The following VPS54 variants were observed in gnomAD, a reference collection of about 807,000 sequenced individuals.
VPS54 encodes the protein vacuolar protein sorting-associated protein 54.
VPS54 carries 45 observed loss-of-function variants against 121.5 expected under a neutral mutation model. That is an observed-to-expected ratio of 0.37 (90% CI 0.29 to 0.47). The LOEUF (loss-of-function observed/expected upper bound fraction) is 0.47, where lower values mean the gene tolerates loss of function less well. VPS54 is among the 20% of genes least tolerant of loss of function. VPS54 has a pLI of 0.99. For missense variants in VPS54, 1,090 were observed against 1,131.4 expected, an observed-to-expected ratio of 0.96 and a Z score of 0.52; for synonymous variants, 371 against 385.8, an observed-to-expected ratio of 0.96 and a Z score of 0.45.
At chr2:63,915,084 G>A (rs1673319343) in intron 16 of VPS54, among the ~76,000 whole-genome samples, 1 of 146,806 alleles carries the variant, frequency 6.8e-6, no homozygotes, top group East Asian at 2.0e-4. Flanking sequence ...CTGGGAGCCG[G>A]AGGTTGTGGT....
At chr2:63,905,605 GA>G (rs767427362) in intron 20 of VPS54, among the ~76,000 whole-genome samples, 1 of 151,418 alleles carries the variant, frequency 6.6e-6, no homozygotes, top group Non-Finnish European at 1.5e-5. Context: ...AAAACTTGGG[GA>G]AAAAATAATA....
At position 63,975,312 on chromosome 2, in the gene VPS54, G is replaced by T. The variant is rs544463716; in HGVS notation, c.379-3068C>A. The stretch of plus-strand genomic sequence containing the variant: ...GTGAACTAACTTTGGGAGGAACTTA[G>T]CTTATAGTTTAAAACAAAGATGATA... On this transcript the variant is annotated intron_variant, in intron 3 of 22. Coordinates refer to ENST00000272322, the MANE Select transcript of VPS54 (RefSeq NM_016516.3). The T allele has an allele frequency of 1.8e-4, 54 of 305,592 alleles. No individual in the cohort carries two copies. The South Asian group carries it at 5.9e-3, about 34-fold the overall frequency. 18.9% of individuals were successfully genotyped at this position (305,592 alleles called of 1,614,324 possible).
intron 1 of VPS54, among the ~76,000 whole-genome samples, chr2:63,984,410 G>A (rs1676945745): frequency 6.6e-6 from 1 of 152,122 alleles, no homozygotes; most frequent in African/African-American, 2.4e-5. Flanking sequence ...CTAGTGGTGA[G>A]GAAATTTACT....
At chr2:63,917,514 C>T (rs1673438949) in intron 15 of VPS54, among the ~76,000 whole-genome samples, 1 of 151,876 alleles carries the variant, frequency 6.6e-6, no homozygotes, top group Non-Finnish European at 1.5e-5. Flanking sequence ...TTTCTTTAAA[C>T]AAAATTCAGC....
At chr2:63,912,768 C>T in intron 18 of VPS54, 107 bp from the exon 19 acceptor site, 2 of 1,351,744 alleles carry the variant, frequency 1.5e-6, no homozygotes, top group South Asian at 1.4e-5. Flanking sequence ...TTATAAAGAA[C>T]CAGTTTATTT....
At chr2:63,970,760 T>C (rs979807018) in intron 4 of VPS54, among the ~76,000 whole-genome samples, 6 of 152,198 alleles carry the variant, frequency 3.9e-5, no homozygotes, top group Admixed American at 3.3e-4. Flanking sequence ...TTCACAGGTA[T>C]CTCATCTTCT....
At chr2:63,902,719 A>C (rs1237394647) in intron 20 of VPS54, among the ~76,000 whole-genome samples, 2 of 152,192 alleles carry the variant, frequency 1.3e-5, no homozygotes, top group Non-Finnish European at 2.9e-5. Context: ...CTGTATTCCC[A>C]CCACTTTGGG....
In VPS54 at chr2:63,892,656, T is replaced by C. The variant is rs1210992317; in HGVS notation, c.*774A>G. On this transcript the variant is annotated 3_prime_UTR_variant, in exon 23 of 23. Transcript: ENST00000272322. ...ACCCTTCATCATACTTTTATAAAAA[T>C]ACAGATATTAAACTGTAGCCTTTTA... 6.6e-6 allele frequency: 1 copy of C among 152,546 alleles called. No individual in the cohort carries two copies. Among genetic ancestry groups the C allele is most frequent in the Non-Finnish European group, 1.5e-5 (1 of 67,996 alleles). 9.4% of individuals were successfully genotyped at this position (152,546 alleles called of 1,614,324 possible).
chr2:63,960,954 T>C (rs1234331299), intron 7 of VPS54, among the ~76,000 whole-genome samples: 1 of 152,212 alleles, frequency 6.6e-6, no homozygotes, highest in Non-Finnish European at 1.5e-5. Flanking sequence ...TCAAAGAAGT[T>C]TGTGACTCAG....
intron 1 of VPS54, among the ~76,000 whole-genome samples, chr2:63,992,262 GAAC>G (rs1195601560): frequency 2.6e-5 from 4 of 152,324 alleles, no homozygotes; most frequent in Admixed American, 2.0e-4. Context: ...TGTAATTTCT[GAAC>G]AACAGCCTAC....
At position 63,992,143 on chromosome 2, in the gene VPS54, ACTCAATTG is replaced by A. The variant is rs568613166; in HGVS notation, c.-20-8132_-20-8125del. On this transcript the variant is annotated intron_variant, in intron 1 of 22. Coordinates refer to ENST00000272322, the MANE Select transcript of VPS54 (RefSeq NM_016516.3). ...CTTCCTGTTTCCATTCCGGCCGGTGACTCAATTGCTCAATTGCTTTTACTACTTAATAT... is the reference window on the plus strand; with the variant it reads ...CTTCCTGTTTCCATTCCGGCCGGTGACTCAATTGCTTTTACTACTTAATAT... Among the ~76,000 whole-genome samples the A allele has an allele frequency of 4.0e-3, 604 of 152,222 alleles. 16 individuals are homozygous for A. The highest frequency in any genetic ancestry group is 1.3e-3 in the Non-Finnish European group (89 of 68,000).
At chr2:64,008,197 G>A (rs184245222) in intron 1 of VPS54, among the ~76,000 whole-genome samples, 6 of 152,242 alleles carry the variant, frequency 3.9e-5, no homozygotes, top group Non-Finnish European at 7.4e-5. Flanking sequence ...TAGATCACCT[G>A]AGGTCAGGAG....
Position 63,899,437 on chromosome 2 carries a change from T to C in VPS54, c.2733+37A>G, listed in dbSNP as rs372505375. ...CCAATTCTGTACAGATATTGTATGT[T>C]ATATATACATGAATAGTTTTAGGAA... On this transcript the variant is annotated intron_variant, in intron 21 of 22. Coordinates refer to ENST00000272322, the MANE Select transcript of VPS54 (RefSeq NM_016516.3). 3 of 1,569,380 alleles carry C rather than the reference T, an allele frequency of 1.9e-6. No individual in the cohort carries two copies. The African/African-American group carries it at 4.1e-5, about 21-fold the overall frequency.
intron 6 of VPS54, among the ~76,000 whole-genome samples, chr2:63,962,829 T>C (rs1447255003): frequency 2.0e-5 from 3 of 152,178 alleles, no homozygotes; most frequent in African/African-American, 7.2e-5. Context: ...ACATCATTTA[T>C]CTGACTAAAT....
chr2:63,932,674 GAAGT>G (rs1243876962), intron 12 of VPS54, among the ~76,000 whole-genome samples: 2 of 149,908 alleles, frequency 1.3e-5, no homozygotes, highest in African/African-American at 2.4e-5. Flanking sequence ...AACAGAAAAA[GAAGT>G]AATAATAAAG....
In VPS54 at chr2:63,961,922, A is replaced by T; in HGVS notation, c.1010+136T>A. ...AATACTACAATATCAGAATAACATT[A>T]TTAAACAAATGATCAATCTGGAAGA... is the stretch of plus-strand genomic sequence containing the variant. On this transcript the variant is annotated intron_variant, in intron 7 of 22. Coordinates refer to ENST00000272322, the MANE Select transcript of VPS54 (RefSeq NM_016516.3). 4 of 955,762 alleles carry T rather than the reference A, an allele frequency of 4.2e-6. No homozygotes were observed. The South Asian group carries it at 8.1e-5, about 19-fold the overall frequency. 59.2% of individuals were successfully genotyped at this position (955,762 alleles called of 1,614,324 possible).
intron 1 of VPS54, among the ~76,000 whole-genome samples, chr2:63,991,202 CT>C (rs1677301497): frequency 6.6e-6 from 1 of 152,208 alleles, no homozygotes; most frequent in Non-Finnish European, 1.5e-5. Flanking sequence ...GCTCCTGTTT[CT>C]TTTACTATGG....
chr2:63,897,492 A>G lies in VPS54; in HGVS notation c.2828+4T>C, dbSNP rs1255829229. 1.3e-6 allele frequency: 2 copies of G among 1,573,214 alleles called. No homozygotes were observed. The highest frequency in any genetic ancestry group is 1.7e-6 in the Non-Finnish European group (2 of 1,153,848). On this transcript the variant is annotated splice_donor_region_variant and intron_variant, in intron 22 of 22. Transcript: ENST00000272322. ...GTATATGGTGAAAACGTTAAAAAAC[A>G]TACCCATTTTGAGGTCCTCCATCAT...
At chr2:63,959,658 A>G (rs966306381) in intron 7 of VPS54, among the ~76,000 whole-genome samples, 5 of 152,108 alleles carry the variant, frequency 3.3e-5, no homozygotes, top group African/African-American at 1.2e-4. Context: ...GAGCCGAGGA[A>G]GGTAGATGGC....
Sources: gnomAD v4.1 joint callset for allele counts (sites outside exome capture counted in the v4.1 genomes callset) on GRCh38, gnomAD v4.1.1 for gene constraint, MANE v1.5 for transcripts, NCBI Gene and HGNC (gene_info 2026-07-23, HGNC 2026-07-21) for gene names.